The following PANK1 variants were observed in gnomAD, a reference collection of about 807,000 sequenced individuals.
PANK1 encodes pantothenic acid kinase 1.
PANK1 carries 18 observed loss-of-function variants against 40.1 expected under a neutral mutation model. That is an observed-to-expected ratio of 0.45 (90% CI 0.31 to 0.67). PANK1 has a LOEUF of 0.67. Among genes scored for constraint, PANK1 ranks in the 30% least tolerant of loss-of-function variants. The pLI is 0.06. For missense variants in PANK1, 457 were observed against 599.6 expected, an observed-to-expected ratio of 0.76 and a Z score of 2.48; for synonymous variants, 242 against 237.7, an observed-to-expected ratio of 1.02 and a Z score of -0.17.
rs1844488064 is a variant in PANK1, at chr10:89,593,981, C to T, written c.908G>A (p.Gly303Asp). 1.2e-6 allele frequency: 2 copies of T among 1,610,114 alleles called. No homozygotes were observed. Among genetic ancestry groups the T allele is most frequent in the East Asian group, 2.2e-5 (1 of 44,822 alleles). ...GCAACATAGGCCTAGGAATGTTCCACCTCCAAGACTGAAGGAATAATAAGG... is the reference window on the plus strand; with the variant it reads ...GCAACATAGGCCTAGGAATGTTCCATCTCCAAGACTGAAGGAATAATAAGG... ...YKRVTGTSLG[G>D]GTFLGLCCLL... Residue 303 changes from glycine to aspartate, a missense_variant, in exon 4 of 7, where the codon GGT becomes GAT. Physicochemically the swap from Gly to Asp is moderately conservative, Grantham distance 94. Transcript: ENST00000307534.
chr10:89,638,294 T>C (rs1006273798), intron 1 of PANK1, among the ~76,000 whole-genome samples: 6 of 152,248 alleles, frequency 3.9e-5, no homozygotes, highest in African/African-American at 1.4e-4. Flanking sequence ...ATGACTGTAT[T>C]TCCTTCTCCG....
chr10:89,624,382 C>T (rs999473464), intron 1 of PANK1, among the ~76,000 whole-genome samples: 2 of 152,160 alleles, frequency 1.3e-5, no homozygotes, highest in African/African-American at 4.8e-5. Context: ...TTCATCTTTA[C>T]ACCAACAATA....
At chr10:89,585,503 G>A (rs1472985973) in intron 6 of PANK1, among the ~76,000 whole-genome samples, 2 of 152,186 alleles carry the variant, frequency 1.3e-5, no homozygotes, top group Non-Finnish European at 2.9e-5. Flanking sequence ...TGCTGCTGCT[G>A]CTGCTGCTGT....
At chr10:89,595,720 T>TGAGGTGCGG (rs11282928) in intron 3 of PANK1, among the ~76,000 whole-genome samples, 24,544 of 145,450 alleles carry the variant, frequency 0.17, 2,662 homozygotes, top group East Asian at 0.32. Flanking sequence ...CTCTGGATGC[T>TGAGGTGCGG]GAGGTGCGGG....
intron 5 of PANK1, among the ~76,000 whole-genome samples, chr10:89,592,991 C>A (rs1416873635): frequency 6.6e-6 from 1 of 152,174 alleles, no homozygotes; most frequent in Non-Finnish European, 1.5e-5. Context: ...GTTTATCATT[C>A]ATTATCATCC....
At chr10:89,595,829 AAAAAATATAT>A (rs1274056916) in intron 3 of PANK1, among the ~76,000 whole-genome samples, 2 of 66,686 alleles carry the variant, frequency 3.0e-5, no homozygotes, top group African/African-American at 1.5e-4. Context: ...AAAAAAAAAA[AAAAAATATAT>A]ATATATATAT....
chr10:89,596,989 C>A (rs142098306), intron 3 of PANK1, among the ~76,000 whole-genome samples: 139 of 152,162 alleles, frequency 9.1e-4, no homozygotes, highest in African/African-American at 3.1e-3. Context: ...TGGGATGCAA[C>A]AAAATTATAT....
intron 3 of PANK1, among the ~76,000 whole-genome samples, chr10:89,595,833 A>ATATATAT (rs1554837945): frequency 1.0e-3 from 35 of 33,686 alleles, no homozygotes; most frequent in Non-Finnish European, 1.6e-3. Flanking sequence ...AAAAAAAAAA[A>ATATATAT]ATATATATAT....
At chr10:89,623,467 TC>T (rs1845564154) in intron 1 of PANK1, among the ~76,000 whole-genome samples, 1 of 151,688 alleles carries the variant, frequency 6.6e-6, no homozygotes, top group Admixed American at 6.6e-5. Context: ...CTCGCGATTC[TC>T]CCATCCTGGC....
rs987632220 is a variant in PANK1 at position 89,583,384 on chromosome 10, C to T, written c.*1022G>A. ...ATTAAAGATGTGTTGTTACAAAGTT[C>T]CTAGATATATACATGTACAAAACAA... On this transcript the variant is annotated 3_prime_UTR_variant, in exon 7 of 7. Coordinates refer to ENST00000307534, the MANE Select transcript of PANK1 (RefSeq NM_148977.3). The T allele has an allele frequency of 1.3e-5, 2 of 152,128 alleles. No individual in the cohort carries two copies. Among genetic ancestry groups the T allele is most frequent in the African/African-American group, 4.8e-5 (2 of 41,492 alleles). The allele number at this position is 152,128 out of a possible 1,614,324, so 9.4% of individuals were successfully genotyped here. A position where few individuals can be genotyped will look rare whatever the true frequency, so the allele number is the denominator to read the frequency against.
rs11592870 is a variant in PANK1, at chr10:89,599,359, C to T, written c.792G>A (p.Pro264=). 44,359 of 1,613,736 alleles carry T rather than the reference C, an allele frequency of 0.027. 703 individuals carry two copies. The highest frequency in any genetic ancestry group is 0.031 in the Non-Finnish European group (36,900 of 1,179,704). ...PTNPELCQKK[P]YCLDNPYPML... ...TAGGGTATGGGTTATCAAGGCAGTACGGCTTTTTTTGACACAATTCAGGAT... is the reference window on the plus strand; with the variant it reads ...TAGGGTATGGGTTATCAAGGCAGTATGGCTTTTTTTGACACAATTCAGGAT... Residue 264 remains proline, a synonymous_variant, in exon 3 of 7, where the codon CCG becomes CCA. Transcript: ENST00000307534.
intron 2 of PANK1, among the ~76,000 whole-genome samples, chr10:89,603,489 T>A (rs7911174): frequency 0.048 from 7,232 of 152,212 alleles, 218 homozygotes; most frequent in African/African-American, 0.086. Context: ...ACTGTATAGA[T>A]CCTGGCTGTG....
At chr10:89,594,299 C>T (rs1176166491) in intron 3 of PANK1, among the ~76,000 whole-genome samples, 1 of 152,186 alleles carries the variant, frequency 6.6e-6, no homozygotes, top group Non-Finnish European at 1.5e-5. Context: ...GCCTTCCCAC[C>T]TATGAAATGG....
intron 1 of PANK1, among the ~76,000 whole-genome samples, chr10:89,642,849 G>A (rs996679195): frequency 2.0e-4 from 31 of 152,184 alleles, no homozygotes; most frequent in African/African-American, 7.2e-4. Flanking sequence ...TTGACGAACC[G>A]TTTTTTAAAA....
Position 89,640,714 on chromosome 10 carries a change from C to T in PANK1, c.292+3886G>A, listed in dbSNP as rs77223860. 6.8e-3 allele frequency among the ~76,000 whole-genome samples: 1,034 copies of T among 152,174 alleles called. 7 individuals carry two copies. Among genetic ancestry groups the T allele is most frequent in the Middle Eastern group, 0.024 (7 of 294 alleles). On this transcript the variant is annotated intron_variant, in intron 1 of 6. Coordinates refer to ENST00000307534, the MANE Select transcript of PANK1 (RefSeq NM_148977.3). ...ACAAAATATTAAAATGCAGGCTATC[C>T]CACACAGACAAAACAGCCTGTCAGT...
chr10:89,605,023 T>C (rs1335126852), intron 2 of PANK1, among the ~76,000 whole-genome samples: 1 of 150,838 alleles, frequency 6.6e-6, no homozygotes, highest in African/African-American at 2.4e-5. Context: ...AGTGCTGGGA[T>C]TACAGGTGTG....
intron 1 of PANK1, 39 bp from the exon 2 acceptor site, chr10:89,612,087 C>A (rs3802655): frequency 3.9e-6 from 6 of 1,522,576 alleles, no homozygotes; most frequent in Admixed American, 1.8e-5. Context: ...GAATGCTATG[C>A]GTGCAAAGAA....
intron 3 of PANK1, among the ~76,000 whole-genome samples, chr10:89,595,831 AAAATATATATAT>A (rs1409295326): frequency 7.1e-4 from 40 of 56,678 alleles, no homozygotes; most frequent in Middle Eastern, 8.3e-3. Flanking sequence ...AAAAAAAAAA[AAAATATATATAT>A]ATATATATAT....
At chr10:89,587,057 A>C (rs979385769) in intron 6 of PANK1, among the ~76,000 whole-genome samples, 2 of 151,516 alleles carry the variant, frequency 1.3e-5, no homozygotes, top group African/African-American at 4.8e-5. Context: ...TGGGAGGTGG[A>C]GGTAGCAGTG....
Sources: gnomAD v4.1 joint callset for allele counts (sites outside exome capture counted in the v4.1 genomes callset) on GRCh38, gnomAD v4.1.1 for gene constraint, MANE v1.5 for transcripts, NCBI Gene and HGNC (gene_info 2026-07-23, HGNC 2026-07-21) for gene names.